PCSK9: variants seen among roughly 807,000 people sequenced by gnomAD.
PCSK9 encodes proprotein convertase subtilisin/kexin type 9.
In PCSK9, 57 loss-of-function variants were observed where a neutral mutation model predicts 62.1. The observed-to-expected ratio is 0.92, with a 90% CI of 0.74 to 1.14. The LOEUF (loss-of-function observed/expected upper bound fraction) is 1.14. Among genes scored for constraint, PCSK9 ranks in the 50% most tolerant of loss-of-function variants. The pLI is 0.00. For missense variants in PCSK9, 870 were observed against 959.8 expected (o/e 0.91, Z 1.24); for synonymous variants, 387 against 409.4 (o/e 0.95, Z 0.66).
intron 3 of PCSK9, chr1:55,051,511 C>T (rs916520845): frequency 3.2e-6 from 1 of 312,484 alleles, no homozygotes; most frequent in Non-Finnish European, 6.2e-6. Flanking sequence ...GCAGGCTGGA[C>T]CTGCCTGGCA....
intron 3 of PCSK9, among the ~76,000 whole-genome samples, chr1:55,048,132 T>G (rs1644647229): frequency 6.6e-6 from 1 of 152,152 alleles, no homozygotes; most frequent in Non-Finnish European, 1.5e-5. Context: ...GCAGGACCAC[T>G]TTCTCCCGGG....
At position 55,061,408 on chromosome 1, in the gene PCSK9, G is replaced by A; in HGVS notation, c.1715G>A (p.Gly572Asp). 1 of 1,610,276 alleles carries A rather than the reference G, an allele frequency of 6.2e-7. No homozygotes were observed. Among genetic ancestry groups the A allele is most frequent in the Non-Finnish European group, 8.5e-7 (1 of 1,179,080 alleles). The part of the protein sequence containing the change: ...CSSHWEVEDL[G>D]THKPPVLRPR... ...TCCCACTGGGAGGTGGAGGACCTTG[G>A]CACCCACAAGCCGCCTGTGCTGAGG... The change falls in exon 11 of 12, where the codon GGC (glycine) becomes GAC (aspartate). Residue 572 changes from glycine to aspartate, a missense_variant. Transcript: ENST00000302118.
Position 55,040,234 on chromosome 1 carries a change from G to A in PCSK9, c.207+190G>A, listed in dbSNP as rs1416851890. ...GGGGAGGACGGGTAGTGGGGAGCAC[G>A]GTGGAGAGCGGGGACGGCCGGCTCT... is the stretch of plus-strand genomic sequence containing the variant. On this transcript the variant is annotated intron_variant, in intron 1 of 11. Coordinates refer to ENST00000302118, the MANE Select transcript of PCSK9 (RefSeq NM_174936.4). The surrounding 1 kb of genome is among the most constrained non-coding windows in gnomAD (Gnocchi z 4.1). Among the ~76,000 whole-genome samples the A allele has an allele frequency of 6.6e-6, 1 of 152,212 alleles. No homozygotes were observed. Among genetic ancestry groups the A allele is most frequent in the East Asian group, 1.9e-4 (1 of 5,184 alleles).
chr1:55,054,877 C>T (rs1475921142), intron 5 of PCSK9, among the ~76,000 whole-genome samples: 19 of 152,206 alleles, frequency 1.2e-4, no homozygotes, highest in Middle Eastern at 3.4e-3. Flanking sequence ...TGGTGGCAGG[C>T]GCCTGTAGTC....
chr1:55,047,778 C>T (rs1044778636), intron 3 of PCSK9, among the ~76,000 whole-genome samples: 11 of 152,138 alleles, frequency 7.2e-5, no homozygotes, highest in Non-Finnish European at 1.2e-4. Context: ...GGGGCCTGGT[C>T]GGTCATGTGT....
At position 55,058,638 on chromosome 1, in the gene PCSK9, G is replaced by C; in HGVS notation, c.1494G>C (p.Glu498Asp). The C allele has an allele frequency of 1.2e-6, 2 of 1,610,088 alleles. No homozygotes were observed. Among genetic ancestry groups the C allele is most frequent in the South Asian group, 2.2e-5 (2 of 90,836 alleles). Reference protein sequence around the residue: ...SFSRSGKRRGERMEAQGGKLV... With the variant: ...SFSRSGKRRGDRMEAQGGKLV... ...CCAGGAGTGGGAAGCGGCGGGGCGA[G>C]CGCATGGAGGTGACTGTACCCCTCC... is the stretch of plus-strand genomic sequence containing the variant. Residue 498 changes from glutamate (E) to aspartate (D), a missense_variant, in exon 9 of 12, where the codon GAG (glutamate) becomes GAC (aspartate). Physicochemically the swap from Glu to Asp is conservative, Grantham distance 45 (BLOSUM62 2). Transcript: ENST00000302118.
intron 10 of PCSK9, 150 bp from the exon 11 acceptor site, chr1:55,061,225 C>T: frequency 1.1e-6 from 1 of 898,372 alleles, no homozygotes; most frequent in Non-Finnish European, 1.7e-6. Flanking sequence ...AGTCCTGGTG[C>T]TCAGGCCAGC....
At chr1:55,048,494 C>T (rs1644650990) in intron 3 of PCSK9, among the ~76,000 whole-genome samples, 2 of 152,210 alleles carry the variant, frequency 1.3e-5, no homozygotes, top group African/African-American at 2.4e-5. Flanking sequence ...TGCCCCCCTT[C>T]CCGCTTCCCC....
At chr1:55,045,772 G>A (rs374636177) in intron 2 of PCSK9, among the ~76,000 whole-genome samples, 2 of 150,988 alleles carry the variant, frequency 1.3e-5, no homozygotes, top group African/African-American at 2.4e-5. Context: ...TCTGCCTCCC[G>A]GGTTCAAGCT....
intron 1 of PCSK9, among the ~76,000 whole-genome samples, chr1:55,042,837 A>C (rs773824067): frequency 6.6e-6 from 1 of 152,174 alleles, no homozygotes; most frequent in Non-Finnish European, 1.5e-5. Context: ...AGTGGGGCCT[A>C]ATGGGAGGTG....
Position 55,057,460 on chromosome 1 carries a change from A to T in PCSK9, c.1126A>T (p.Ser376Cys), listed in dbSNP as rs1644724226. Reference protein sequence around the residue: ...EDIIGASSDCSTCFVSQSGTS... With the variant: ...EDIIGASSDCCTCFVSQSGTS... The stretch of plus-strand genomic sequence containing the variant: ...CATCATTGGTGCCTCCAGCGACTGC[A>T]GCACCTGCTTTGTGTCACAGAGTGG... The change falls in exon 7 of 12, where the codon AGC becomes TGC. Residue 376 changes from serine to cysteine, a missense_variant. Coordinates refer to ENST00000302118, the MANE Select transcript of PCSK9 (RefSeq NM_174936.4). 6.2e-7 allele frequency: 1 copy of T among 1,613,930 alleles called. No individual in the cohort carries two copies. Among genetic ancestry groups the T allele is most frequent in the Non-Finnish European group, 8.5e-7 (1 of 1,180,040 alleles).
rs1033727609 is a variant in PCSK9 at position 55,039,641 on chromosome 1, G to A, written c.-197G>A. 2 of 655,598 alleles carry A rather than the reference G, an allele frequency of 3.1e-6. No homozygotes were observed. The highest frequency in any genetic ancestry group is 1.8e-5 in the African/African-American group (1 of 54,934). 40.6% of individuals were successfully genotyped at this position (655,598 alleles called of 1,614,324 possible). A position where few individuals can be genotyped will look rare whatever the true frequency, so the allele number is the denominator to read the frequency against. On this transcript the variant is annotated 5_prime_UTR_variant, in exon 1 of 12. Coordinates refer to ENST00000302118, the MANE Select transcript of PCSK9 (RefSeq NM_174936.4). ...GTGAGCCAGGCAGTGAGACTGGCTC[G>A]GGCGGGCCGGGACGCGTCGTTGCAG...
intron 3 of PCSK9, among the ~76,000 whole-genome samples, chr1:55,048,888 G>A (rs1396696558): frequency 2.0e-5 from 3 of 152,206 alleles, no homozygotes; most frequent in Non-Finnish European, 4.4e-5. Context: ...TGTGATTTTA[G>A]CCCTGCATTT....
chr1:55,055,429 T>C (rs1436812886), intron 5 of PCSK9, among the ~76,000 whole-genome samples: 1 of 152,158 alleles, frequency 6.6e-6, no homozygotes, highest in Non-Finnish European at 1.5e-5. Flanking sequence ...GAGGATCCCC[T>C]GAGTTCGTAT....
chr1:55,042,889 C>T (rs1349091804), intron 1 of PCSK9, among the ~76,000 whole-genome samples: 2 of 152,120 alleles, frequency 1.3e-5, no homozygotes, highest in African/African-American at 2.4e-5. Flanking sequence ...GGCTTGGTGC[C>T]GTCCTTGTGA....
chr1:55,055,954 G>A lies in PCSK9; in HGVS notation c.800-39G>A, dbSNP rs1326191783. ...AGGGAGGGGCTGGGAAAGGGGAGCA[G>A]GTCTCCCCAAGGGGTGACCTTGGCT... On this transcript the variant is annotated intron_variant, in intron 5 of 11. Coordinates refer to ENST00000302118, the MANE Select transcript of PCSK9 (RefSeq NM_174936.4). The A allele has an allele frequency of 1.9e-6, 3 of 1,551,704 alleles. No individual in the cohort carries two copies. The African/African-American group carries it at 4.1e-5, about 21-fold the overall frequency.
rs1372006546 is a variant in PCSK9 at position 55,040,669 on chromosome 1, G to T, written c.207+625G>T. Among the ~76,000 whole-genome samples the T allele has an allele frequency of 6.6e-6, 1 of 152,202 alleles. No homozygotes were observed. The highest frequency in any genetic ancestry group is 1.5e-5 in the Non-Finnish European group (1 of 68,032). On this transcript the variant is annotated intron_variant, in intron 1 of 11. Coordinates refer to ENST00000302118, the MANE Select transcript of PCSK9 (RefSeq NM_174936.4). This position sits in a 1 kb window ranked among gnomAD's most constrained non-coding sequence, Gnocchi z 4.1. ...CCGAAGAAAAGAACCAGCTGAAGGG[G>T]CAGGGGAGAAGGGGCGGAGGTATTC...
At chr1:55,056,327 C>A in intron 6 of PCSK9, 138 bp downstream of exon 6, 1 of 1,032,034 alleles carries the variant, frequency 9.7e-7, no homozygotes, top group Non-Finnish European at 1.3e-6. Context: ...ACCCTTCTGG[C>A]TTTGGAAGGA....
chr1:55,043,275 C>G (rs1464089855), intron 1 of PCSK9, among the ~76,000 whole-genome samples: 1 of 152,212 alleles, frequency 6.6e-6, no homozygotes, highest in Admixed American at 6.5e-5. Flanking sequence ...ATTTGTAGAG[C>G]ATCTGGATGG....
Sources: gnomAD v4.1 joint callset for allele counts (sites outside exome capture counted in the v4.1 genomes callset) on GRCh38, gnomAD v4.1.1 for gene constraint, Gnocchi (gnomAD v3.1) non-coding constraint, MANE v1.5 for transcripts, NCBI Gene and HGNC (gene_info 2026-07-23, HGNC 2026-07-21) for gene names.